The following PPP4R1 variants were observed in gnomAD, a reference collection of about 807,000 sequenced individuals.
PPP4R1 encodes the protein protein phosphatase 4 regulatory subunit 1, also known as serine/threonine-protein phosphatase 4 regulatory subunit 1.
PPP4R1 carries 42 observed loss-of-function variants against 111.2 expected under a neutral mutation model. The observed-to-expected ratio is 0.38, with a 90% CI of 0.29 to 0.49. PPP4R1 has a LOEUF of 0.49. Ranked by LOEUF, PPP4R1 falls within the 20% of genes least tolerant of loss-of-function variation. The pLI is 0.97. For missense variants in PPP4R1, 1,012 were observed against 1,161.6 expected, an observed-to-expected ratio of 0.87 and a Z score of 1.87; for synonymous variants, 409 against 405.5, an observed-to-expected ratio of 1.01 and a Z score of -0.10.
At chr18:9,607,856 C>A (rs1272765274) in intron 2 of PPP4R1, among the ~76,000 whole-genome samples, 1 of 148,174 alleles carries the variant, frequency 6.7e-6, no homozygotes, top group African/African-American at 2.5e-5. Flanking sequence ...AATCTCGGCT[C>A]ACTGCAACCT....
At chr18:9,568,806 C>A (rs1196648215) in intron 11 of PPP4R1, among the ~76,000 whole-genome samples, 2 of 152,156 alleles carry the variant, frequency 1.3e-5, no homozygotes, top group Non-Finnish European at 2.9e-5. Context: ...GAGGCCAAGG[C>A]AGGCGGATCA....
At position 9,570,551 on chromosome 18, in the gene PPP4R1, C is replaced by T. The variant is rs2066845129; in HGVS notation, c.1179G>A (p.Lys393=). 1 of 1,614,146 alleles carries T rather than the reference C, an allele frequency of 6.2e-7. No individual in the cohort carries two copies. Residue 393 remains lysine (K), a synonymous_variant, in exon 11 of 20, where the codon AAG becomes AAA. Transcript: ENST00000400556. ...GTGGAACACTAATTTCACCTAGAGG[C>T]TTCCCGGATGCCTCAGCAGCATGGT... is the stretch of plus-strand genomic sequence containing the variant. ...MEDHAAEASG[K]PLGEISVPLD...
Position 9,608,793 on chromosome 18 carries a change from G to T in PPP4R1, c.52+5433C>A, listed in dbSNP as rs560728740. On this transcript the variant is annotated intron_variant, in intron 2 of 19. Transcript: ENST00000400556. The stretch of plus-strand genomic sequence containing the variant: ...GATGTAATACAAACATAGGAGCAAG[G>T]TAACAATAGTTTAATAAACATACAT... Among the ~76,000 whole-genome samples the T allele has an allele frequency of 9.3e-4, 142 of 152,334 alleles. 1 individual carries two copies. The South Asian group carries it at 0.018, about 19-fold the overall frequency.
intron 2 of PPP4R1, chr18:9,599,723 A>T (rs964355777): frequency 1.3e-5 from 2 of 152,240 alleles, no homozygotes; most frequent in African/African-American, 2.4e-5. Context: ...AAGCTAGCAT[A>T]ACCTTGAAGC....
intron 15 of PPP4R1, among the ~76,000 whole-genome samples, chr18:9,553,873 T>TATAA (rs2066527470): frequency 1.3e-5 from 2 of 152,368 alleles, no homozygotes; most frequent in South Asian, 4.1e-4. Context: ...ATAGCTGCTC[T>TATAA]ATAAATATTT....
At position 9,561,973 on chromosome 18, in the gene PPP4R1, C is replaced by T. The variant is rs1201388099; in HGVS notation, c.1842+7G>A. 6.3e-7 allele frequency: 1 copy of T among 1,599,380 alleles called. No homozygotes were observed. On this transcript the variant is annotated splice_region_variant and intron_variant, in intron 13 of 19. Coordinates refer to ENST00000400556, the MANE Select transcript of PPP4R1 (RefSeq NM_001042388.3). ...CCCACAAAAGAACACATTTTTTGGT[C>T]ACTTACTTGTACTTTAGTTCTCCTT...
intron 15 of PPP4R1, among the ~76,000 whole-genome samples, chr18:9,555,313 G>A (rs2066554022): frequency 1.3e-5 from 2 of 151,660 alleles, no homozygotes; most frequent in African/African-American, 4.9e-5. Context: ...AAATAAGTAA[G>A]TTAATTAATT....
At chr18:9,555,966 C>G (rs560933565) in intron 15 of PPP4R1, among the ~76,000 whole-genome samples, 1 of 146,888 alleles carries the variant, frequency 6.8e-6, no homozygotes, top group Non-Finnish European at 1.5e-5. Flanking sequence ...GAAACCCCAT[C>G]TCTACTAAAA....
At chr18:9,554,567 T>C (rs1313264232) in intron 15 of PPP4R1, among the ~76,000 whole-genome samples, 2 of 148,376 alleles carry the variant, frequency 1.3e-5, no homozygotes, top group East Asian at 2.0e-4. Flanking sequence ...GTAATTTAAT[T>C]AAAAAAAAAA....
At chr18:9,567,731 A>G (rs1207577960) in intron 11 of PPP4R1, among the ~76,000 whole-genome samples, 11 of 152,128 alleles carry the variant, frequency 7.2e-5, no homozygotes, top group Non-Finnish European at 1.5e-4. Flanking sequence ...ATATGCCAAC[A>G]AACACCATTG....
In PPP4R1 at chr18:9,614,503, T is replaced by C. The variant is rs1374911481; in HGVS notation, c.-19A>G. ...CCGCCATCTTGTGGTCGCCCCCTCC[T>C]CCGCGGCCGCCCGGGGAGCCGGGGC... On this transcript the variant is annotated 5_prime_UTR_variant, in exon 1 of 20. Transcript: ENST00000400556. The surrounding 1 kb of genome is among the most constrained non-coding windows in gnomAD (Gnocchi z 4.1). 6 of 1,021,628 alleles carry C rather than the reference T, an allele frequency of 5.9e-6. No individual in the cohort carries two copies. Among genetic ancestry groups the C allele is most frequent in the East Asian group, 8.1e-5 (1 of 12,300 alleles). The allele number at this position is 1,021,628 out of a possible 1,614,324, so 63.3% of individuals were successfully genotyped here.
chr18:9,561,078 G>C (rs2066666750), intron 13 of PPP4R1, among the ~76,000 whole-genome samples: 1 of 150,734 alleles, frequency 6.6e-6, no homozygotes, highest in African/African-American at 2.4e-5. Flanking sequence ...AATTAGCTGG[G>C]CATGGTGGCT....
At chr18:9,571,499 C>G (rs979106506) in intron 10 of PPP4R1, among the ~76,000 whole-genome samples, 1 of 152,172 alleles carries the variant, frequency 6.6e-6, no homozygotes, top group East Asian at 1.9e-4. Flanking sequence ...AGCTCTTGAT[C>G]TTGAGATTAC....
In PPP4R1 at chr18:9,595,089, G is replaced by T; in HGVS notation, c.117C>A (p.Val39=). The T allele has an allele frequency of 6.2e-7, 1 of 1,613,916 alleles. No individual in the cohort carries two copies. The highest frequency in any genetic ancestry group is 8.5e-7 in the Non-Finnish European group (1 of 1,179,842). The change falls in exon 3 of 20, where the codon GTC becomes GTA. Residue 39 remains valine, a synonymous_variant. Coordinates refer to ENST00000400556, the MANE Select transcript of PPP4R1 (RefSeq NM_001042388.3). The part of the protein sequence containing the change: ...VIIIPSALDF[V]SQDEMLTPLG... ...GGGGCGTCAACATTTCATCTTGTGA[G>T]ACAAAGTCCAGGGCTGAAGGTATAA...
At chr18:9,581,803 C>T (rs2067033901) in intron 9 of PPP4R1, among the ~76,000 whole-genome samples, 1 of 151,944 alleles carries the variant, frequency 6.6e-6, no homozygotes, top group Non-Finnish European at 1.5e-5. Flanking sequence ...AAGTCAAAGG[C>T]AAGGAGAAAA....
chr18:9,562,558 A>T (rs1310382205), intron 12 of PPP4R1, among the ~76,000 whole-genome samples: 1 of 152,236 alleles, frequency 6.6e-6, no homozygotes, highest in Non-Finnish European at 1.5e-5. Context: ...AATACTATTC[A>T]AATCTCCAAT....
rs748321356 is a variant in PPP4R1 at position 9,593,733 on chromosome 18, C to G, written c.295+35G>C. The G allele has an allele frequency of 7.0e-6, 11 of 1,575,478 alleles. No homozygotes were observed. The South Asian group carries it at 1.1e-4, about 16-fold the overall frequency. On this transcript the variant is annotated intron_variant, in intron 4 of 19. Coordinates refer to ENST00000400556, the MANE Select transcript of PPP4R1 (RefSeq NM_001042388.3). ...CACAAATTTGATCAAAGAAGCCTTTCTAGAATAGAGTAAATTCACTTTCTC... is the reference window on the plus strand; with the variant it reads ...CACAAATTTGATCAAAGAAGCCTTTGTAGAATAGAGTAAATTCACTTTCTC...
At position 9,555,922 on chromosome 18, in the gene PPP4R1, A is replaced by G. The variant is rs368609348; in HGVS notation, c.2190+1299T>C. On this transcript the variant is annotated intron_variant, in intron 15 of 19. Transcript: ENST00000400556. ...GAGGCCAAGGTGGGCGGATCACAAG[A>G]TCAGGAGATCAAGACCATCCTGGCC... Among the ~76,000 whole-genome samples the G allele has an allele frequency of 1.1e-3, 170 of 151,970 alleles. 3 individuals are homozygous for G. The Middle Eastern group carries it at 0.02, about 18-fold the overall frequency.
chr18:9,592,300 T>G (rs1047142385), intron 4 of PPP4R1, among the ~76,000 whole-genome samples: 14 of 152,206 alleles, frequency 9.2e-5, no homozygotes, highest in Non-Finnish European at 7.3e-5. Context: ...CATTGTCAGG[T>G]TGGCCTCATT....
Sources: allele counts gnomAD v4.1 joint callset (sites outside exome capture counted in the v4.1 genomes callset), GRCh38; gene constraint gnomAD v4.1.1; non-coding constraint Gnocchi (gnomAD v3.1); transcripts MANE v1.5; gene names NCBI Gene and HGNC (gene_info 2026-07-23, HGNC 2026-07-21).